AKR7A2: variants seen among roughly 807,000 people sequenced by gnomAD.
AKR7A2 encodes aflatoxin B1 aldehyde reductase member 2.
Under a neutral mutation model 37.3 loss-of-function variants are expected in AKR7A2, and 29 were observed. The ratio of observed to expected loss-of-function variants is 0.78; its 90% CI spans 0.58 to 1.06. The LOEUF is 1.06. Among genes scored for constraint, AKR7A2 ranks in the 50% least tolerant of loss-of-function variants. The probability of loss-of-function intolerance (pLI) is 0.00; values close to 1 mark genes in which losing one functional copy is unlikely to be tolerated. For synonymous variants in AKR7A2, 228 were observed against 217.8 expected, an observed-to-expected ratio of 1.05 and a Z score of -0.41; for missense variants, 529 against 497.9, an observed-to-expected ratio of 1.06 and a Z score of -0.59.
intron 1 of AKR7A2, 115 bp from the exon 2 acceptor site, chr1:19,308,757 G>A (rs2093767033): frequency 6.6e-6 from 7 of 1,053,966 alleles, no homozygotes; most frequent in Non-Finnish European, 1.0e-5. Context: ...GTAAAATGGG[G>A]TGATAATAAT....
rs1353569115 is a variant in AKR7A2 at position 19,311,818 on chromosome 1, T to C, written c.298+9A>G. The stretch of plus-strand genomic sequence containing the variant: ...ACGATGCATGGGGAGGATCTGCAGC[T>C]ACTGTTACCTCTGCAGTCGCCACCG... On this transcript the variant is annotated intron_variant, in intron 1 of 6. Transcript: ENST00000235835. 3 of 1,610,122 alleles carry C rather than the reference T, an allele frequency of 1.9e-6. No individual in the cohort carries two copies. The highest frequency in any genetic ancestry group is 2.5e-6 in the Non-Finnish European group (3 of 1,179,458).
chr1:19,308,461 G>T lies in AKR7A2; in HGVS notation c.480C>A (p.His160Gln), dbSNP rs1463982940. 1 of 1,613,742 alleles carries T rather than the reference G, an allele frequency of 6.2e-7. No homozygotes were observed. The highest frequency in any genetic ancestry group is 1.7e-5 in the Admixed American group (1 of 60,026). ...GCTCGGAGGGCCCCCTCACCTCCTG[G>T]TGCAGCCGCTGGCAGGCATGCAGCG... ...EETLHACQRL[H>Q]QEGKFVELGL... is the part of the protein sequence containing the mutation. The change falls in exon 2 of 7, where the codon CAC becomes CAA. Residue 160 changes from histidine (H) to glutamine (Q), a missense_variant. Physicochemically the swap from His to Gln is conservative, Grantham distance 24 (BLOSUM62 0). Transcript: ENST00000235835.
chr1:19,308,818 G>A (rs566967958), intron 1 of AKR7A2, among the ~76,000 whole-genome samples, 176 bp from the exon 2 acceptor site: 9 of 152,300 alleles, frequency 5.9e-5, no homozygotes, highest in African/African-American at 2.2e-4. Flanking sequence ...TCATATATGT[G>A]AGTTCTCAAT....
rs745330957 is a variant in AKR7A2 at position 19,311,921 on chromosome 1, G to A, written c.204C>T (p.His68=). Residue 68 remains histidine, a synonymous_variant, in exon 1 of 7, where the codon CAC becomes CAT. Transcript: ENST00000235835. ...AAVRAFLERG[H]TELDTAFMYS... Reference sequence around the variant, plus strand: ...ACATGAAGGCCGTGTCCAGTTCGGTGTGGCCGCGCTCCAGAAAGGCGCGCA... The same window carrying A: ...ACATGAAGGCCGTGTCCAGTTCGGTATGGCCGCGCTCCAGAAAGGCGCGCA... 1.2e-5 allele frequency: 19 copies of A among 1,608,980 alleles called. 1 individual carries two copies. Among genetic ancestry groups the A allele is most frequent in the Non-Finnish European group, 1.4e-5 (17 of 1,178,742 alleles).
Position 19,306,015 on chromosome 1 carries a change from T to C in AKR7A2, c.918+3A>G. On this transcript the variant is annotated splice_donor_region_variant and intron_variant, in intron 6 of 6. Coordinates refer to ENST00000235835, the MANE Select transcript of AKR7A2 (RefSeq NM_003689.4). ...AAGCTGAGCACCCAGGGTCGCTGGT[T>C]ACCTGCAGCTGTGAGTGGTGGTACA... 2 of 1,613,854 alleles carry C rather than the reference T, an allele frequency of 1.2e-6. No individual in the cohort carries two copies. The highest frequency in any genetic ancestry group is 8.5e-7 in the Non-Finnish European group (1 of 1,179,890).
Position 19,304,095 on chromosome 1 carries a change from T to C in AKR7A2, c.*130A>G, listed in dbSNP as rs2093756740. 1 of 1,468,448 alleles carries C rather than the reference T, an allele frequency of 6.8e-7. No homozygotes were observed. The highest frequency in any genetic ancestry group is 9.5e-7 in the Non-Finnish European group (1 of 1,057,908). 91.0% of individuals were successfully genotyped at this position (1,468,448 alleles called of 1,614,324 possible). The stretch of plus-strand genomic sequence containing the variant: ...GTGAATAGGGAGCAAGGCAGGAAGC[T>C]AGAAAAATAATGCATGGATCTAGAC... On this transcript the variant is annotated 3_prime_UTR_variant, in exon 7 of 7. Transcript: ENST00000235835.
intron 6 of AKR7A2, chr1:19,305,249 C>T (rs1014534787): frequency 1.9e-5 from 3 of 153,856 alleles, no homozygotes; most frequent in Admixed American, 6.4e-5. Context: ...ACAGCTCCCA[C>T]GTACTGAACA....
At chr1:19,309,538 G>A (rs2093768460) in intron 1 of AKR7A2, among the ~76,000 whole-genome samples, 2 of 152,164 alleles carry the variant, frequency 1.3e-5, no homozygotes, top group Admixed American at 6.5e-5. Flanking sequence ...AACACTGTAG[G>A]GACACATCGC....
chr1:19,308,112 T>G lies in AKR7A2; in HGVS notation c.591+46A>C, dbSNP rs374327890. ...CAGGGGGGCAAAGAGAGCCCAGGAT[T>G]AGCAGGAGTCCTGGAGACCTTGGCC... On this transcript the variant is annotated intron_variant, in intron 3 of 6. Transcript: ENST00000235835. 1.6e-4 allele frequency: 258 copies of G among 1,612,118 alleles called. 1 individual carries two copies. In the African/African-American group the frequency reaches 3.1e-3, roughly 19 times the overall value.
At chr1:19,307,539 T>A in intron 3 of AKR7A2, 129 bp from the exon 4 acceptor site, 1 of 993,496 alleles carries the variant, frequency 1.0e-6, no homozygotes, top group South Asian at 1.4e-5. Flanking sequence ...CTACTGTTAG[T>A]AGGGGATGGA....
chr1:19,303,599 T>A (rs758794647), downstream of AKR7A2, among the ~76,000 whole-genome samples: 3 of 152,194 alleles, frequency 2.0e-5, no homozygotes, highest in Non-Finnish European at 4.4e-5. Context: ...GAGGCTAAGA[T>A]TGAGAGCTTC....
chr1:19,309,495 T>C (rs759383326), intron 1 of AKR7A2, among the ~76,000 whole-genome samples: 12 of 152,206 alleles, frequency 7.9e-5, no homozygotes, highest in Non-Finnish European at 1.6e-4. Context: ...TCCCCTCCCC[T>C]TCCTGACTCA....
rs1569692001 is a variant in AKR7A2, at chr1:19,307,862, G to C, written c.591+296C>G. ...TCCAGAGGAGGAGACCTCTATGTAA[G>C]GCCTGAGTGCTTCTCCCAGGGAGGA... On this transcript the variant is annotated intron_variant, in intron 3 of 6. Coordinates refer to ENST00000235835, the MANE Select transcript of AKR7A2 (RefSeq NM_003689.4). 3 of 542,900 alleles carry C rather than the reference G, an allele frequency of 5.5e-6. No homozygotes were observed. The East Asian group carries it at 9.9e-5, about 18-fold the overall frequency. The allele number at this position is 542,900 out of a possible 1,614,324, so 33.6% of individuals were successfully genotyped here.
rs150666132 is a variant in AKR7A2 at position 19,308,469 on chromosome 1, G to A, written c.472C>T (p.Arg158Trp). The change falls in exon 2 of 7, where the codon CGG becomes TGG. Residue 158 changes from arginine to tryptophan, a missense_variant. Coordinates refer to ENST00000235835, the MANE Select transcript of AKR7A2 (RefSeq NM_003689.4). Reference protein sequence around the residue: ...PVEETLHACQRLHQEGKFVEL... With the variant: ...PVEETLHACQWLHQEGKFVEL... Reference sequence around the variant, plus strand: ...GGCCCCCTCACCTCCTGGTGCAGCCGCTGGCAGGCATGCAGCGTCTCTTCC... The same window carrying A: ...GGCCCCCTCACCTCCTGGTGCAGCCACTGGCAGGCATGCAGCGTCTCTTCC... The A allele has an allele frequency of 2.4e-5, 38 of 1,613,764 alleles. No homozygotes were observed. Among genetic ancestry groups the A allele is most frequent in the Non-Finnish European group, 2.9e-5 (34 of 1,180,016 alleles).
At chr1:19,310,846 T>C (rs1454388384) in intron 1 of AKR7A2, among the ~76,000 whole-genome samples, 1 of 151,986 alleles carries the variant, frequency 6.6e-6, no homozygotes, top group Non-Finnish European at 1.5e-5. Flanking sequence ...GATAGTCCAG[T>C]GGGTGAAGCA....
In AKR7A2 at chr1:19,304,165, C is replaced by G; in HGVS notation, c.*60G>C. The G allele has an allele frequency of 6.2e-7, 1 of 1,613,442 alleles. No homozygotes were observed. Among genetic ancestry groups the G allele is most frequent in the East Asian group, 2.2e-5 (1 of 44,880 alleles). On this transcript the variant is annotated 3_prime_UTR_variant, in exon 7 of 7. Transcript: ENST00000235835. ...AAGTCAGCTTAAGGCCAAGACTGGT[C>G]AGTGTGAGAGAACAAAAGAGGTGAC...
At position 19,312,053 on chromosome 1, in the gene AKR7A2, C is replaced by A. The variant is rs757834743; in HGVS notation, c.72G>T (p.Glu24Asp). Residue 24 changes from glutamate (E) to aspartate (D), a missense_variant, in exon 1 of 7, where the codon GAG (glutamate) becomes GAT (aspartate). Coordinates refer to ENST00000235835, the MANE Select transcript of AKR7A2 (RefSeq NM_003689.4). The part of the protein sequence containing the change: ...VHCALRSPPP[E>D]ARALAMSRPP... ...GCCGGGACATGGCGAGCGCGCGGGCCTCGGGCGGCGGAGAGCGAAGCGCGC... is the reference window on the plus strand; with the variant it reads ...GCCGGGACATGGCGAGCGCGCGGGCATCGGGCGGCGGAGAGCGAAGCGCGC... 2 of 1,371,572 alleles carry A rather than the reference C, an allele frequency of 1.5e-6. No individual in the cohort carries two copies. Among genetic ancestry groups the A allele is most frequent in the Non-Finnish European group, 1.9e-6 (2 of 1,070,098 alleles). The allele number at this position is 1,371,572 out of a possible 1,614,324, so 85.0% of individuals were successfully genotyped here.
chr1:19,306,989 A>AC lies in AKR7A2; in HGVS notation c.788+12dup, dbSNP rs756060304. On this transcript the variant is annotated intron_variant, in intron 5 of 6. Transcript: ENST00000235835. ...CACCCCAGCCATCCTCACCAAGCCC[A>AC]CCCCCGGCTCACCGATTCCTGTAGG... 1.2e-6 allele frequency: 2 copies of AC among 1,612,758 alleles called. No individual in the cohort carries two copies. The highest frequency in any genetic ancestry group is 8.5e-7 in the Non-Finnish European group (1 of 1,179,124).
In AKR7A2 at chr1:19,308,437, C is replaced by T; in HGVS notation, c.486+18G>A. The T allele has an allele frequency of 3.1e-6, 5 of 1,612,602 alleles. No homozygotes were observed. Among genetic ancestry groups the T allele is most frequent in the African/African-American group, 2.7e-5 (2 of 74,986 alleles). On this transcript the variant is annotated intron_variant, in intron 2 of 6. Coordinates refer to ENST00000235835, the MANE Select transcript of AKR7A2 (RefSeq NM_003689.4). ...AAGGAGCAGGAGCCCACCTTTGGAG[C>T]TCGGAGGGCCCCCTCACCTCCTGGT...
Sources: gnomAD v4.1 joint callset for allele counts (sites outside exome capture counted in the v4.1 genomes callset) on GRCh38, gnomAD v4.1.1 for gene constraint, MANE v1.5 for transcripts, NCBI Gene and HGNC (gene_info 2026-07-23, HGNC 2026-07-21) for gene names.